IL36RN: variants seen among roughly 807,000 people sequenced by gnomAD.
IL36RN encodes interleukin-36 receptor antagonist protein.
In IL36RN, 11 loss-of-function variants were observed where a neutral mutation model predicts 13.0. The ratio of observed to expected loss-of-function variants is 0.85; its 90% CI spans 0.53 to 1.40. The LOEUF is 1.40. Among genes scored for constraint, IL36RN ranks in the 40% most tolerant of loss-of-function variants. IL36RN has a pLI of 0.00. For missense variants in IL36RN, 195 were observed against 195.3 expected, an observed-to-expected ratio of 1.00 and a Z score of 0.01; for synonymous variants, 94 against 84.1, an observed-to-expected ratio of 1.12 and a Z score of -0.64.
rs1189969507 is a variant in IL36RN at position 113,062,949 on chromosome 2, G to A, written c.*272G>A. On this transcript the variant is annotated 3_prime_UTR_variant, in exon 5 of 5. Transcript: ENST00000393200. ...CTGGGAATAACATGAAAAGATTTCT[G>A]TGGAGGTGGGGTGGGGGAGTGGTGG... 2 of 479,548 alleles carry A rather than the reference G, an allele frequency of 4.2e-6. No homozygotes were observed. The highest frequency in any genetic ancestry group is 2.0e-5 in the African/African-American group (1 of 50,810). 29.7% of individuals were successfully genotyped at this position (479,548 alleles called of 1,614,324 possible).
In IL36RN at chr2:113,059,433, C is replaced by G. The variant is rs1184839873; in HGVS notation, c.-6C>G. On this transcript the variant is annotated 5_prime_UTR_variant, in exon 2 of 5. Coordinates refer to ENST00000393200, the MANE Select transcript of IL36RN (RefSeq NM_012275.3). ...ATAGGGGAGTCTACACCCTGTGGAGCTCAAGATGGTCCTGAGTGGGGCGCT... is the reference window on the plus strand; with the variant it reads ...ATAGGGGAGTCTACACCCTGTGGAGGTCAAGATGGTCCTGAGTGGGGCGCT... 1 of 1,613,862 alleles carries G rather than the reference C, an allele frequency of 6.2e-7. No homozygotes were observed. Among genetic ancestry groups the G allele is most frequent in the Admixed American group, 1.7e-5 (1 of 60,006 alleles).
At position 113,060,954 on chromosome 2, in the gene IL36RN, G is replaced by T; in HGVS notation, c.115+17G>T. On this transcript the variant is annotated intron_variant, in intron 3 of 4. Transcript: ENST00000393200. Reference sequence around the variant, plus strand: ...TCATTAAAGGTTGGTGATGAAACATGACCCACTTTCCTTGGTCTCTATACA... The same window carrying T: ...TCATTAAAGGTTGGTGATGAAACATTACCCACTTTCCTTGGTCTCTATACA... 1 of 1,592,218 alleles carries T rather than the reference G, an allele frequency of 6.3e-7. No homozygotes were observed. Among genetic ancestry groups the T allele is most frequent in the South Asian group, 1.1e-5 (1 of 90,612 alleles).
intron 2 of IL36RN, among the ~76,000 whole-genome samples, chr2:113,060,256 G>A (rs1331461678): frequency 2.0e-5 from 3 of 152,040 alleles, no homozygotes; most frequent in Non-Finnish European, 4.4e-5. Flanking sequence ...CCCACTTTAG[G>A]ATACATCTTC....
Position 113,063,893 on chromosome 2 carries a change from G to C in IL36RN, c.*1216G>C, listed in dbSNP as rs1685693583. On this transcript the variant is annotated 3_prime_UTR_variant, in exon 5 of 5. Transcript: ENST00000393200. ...CAGTCTCTAAGAAGGCTGCTGTACT[G>C]GTTGAATTGTGTCCCCCTCAAATTC... 1 of 152,212 alleles carries C rather than the reference G, an allele frequency of 6.6e-6. No homozygotes were observed. The highest frequency in any genetic ancestry group is 1.5e-5 in the Non-Finnish European group (1 of 68,044). The allele number at this position is 152,212 out of a possible 1,614,324, so 9.4% of individuals were successfully genotyped here.
In IL36RN at chr2:113,063,475, T is replaced by C. The variant is rs1685686144; in HGVS notation, c.*798T>C. 6.6e-6 allele frequency: 1 copy of C among 152,246 alleles called. No homozygotes were observed. The highest frequency in any genetic ancestry group is 1.5e-5 in the Non-Finnish European group (1 of 68,052). 9.4% of individuals were successfully genotyped at this position (152,246 alleles called of 1,614,324 possible). ...TAGAAAAAAGTCTGGAAGAGTTTAC[T>C]TCAATTGTAGCAATGTCAGGGTGGT... On this transcript the variant is annotated 3_prime_UTR_variant, in exon 5 of 5. Transcript: ENST00000393200.
intron 2 of IL36RN, among the ~76,000 whole-genome samples, chr2:113,059,781 C>G (rs1275696343): frequency 6.6e-6 from 1 of 152,186 alleles, no homozygotes; most frequent in African/African-American, 2.4e-5. Flanking sequence ...GCCATTGTCC[C>G]CCATCACAGT....
intron 2 of IL36RN, 100 bp downstream of exon 2, chr2:113,059,567 C>A: frequency 7.3e-7 from 1 of 1,360,974 alleles, no homozygotes; most frequent in Non-Finnish European, 1.0e-6. Flanking sequence ...AAGGGAGGGG[C>A]TGCCATTGCA....
intron 2 of IL36RN, 62 bp downstream of exon 2, chr2:113,059,529 C>A: frequency 6.3e-7 from 1 of 1,580,054 alleles, no homozygotes; most frequent in Non-Finnish European, 8.7e-7. Context: ...TGGATAGACC[C>A]GTTGTCCAGC....
rs1573388252 is a variant in IL36RN, at chr2:113,063,152, A to C, written c.*475A>C. ...GATCTATGGCCCTTGGCCCAGCCCC[A>C]CCTCCTTCCCTTTAATCCTGCCACT... On this transcript the variant is annotated 3_prime_UTR_variant, in exon 5 of 5. Transcript: ENST00000393200. 8.5e-6 allele frequency: 2 copies of C among 235,048 alleles called. No homozygotes were observed. Among genetic ancestry groups the C allele is most frequent in the South Asian group, 6.2e-5 (1 of 16,118 alleles). The allele number at this position is 235,048 out of a possible 1,614,324, so 14.6% of individuals were successfully genotyped here. A position where few individuals can be genotyped will look rare whatever the true frequency, so the allele number is the denominator to read the frequency against.
At position 113,061,251 on chromosome 2, in the gene IL36RN, G is replaced by A. The variant is rs549463855; in HGVS notation, c.115+314G>A. ...TCCCTGGGAGCCAGTAAGTACCAAGGAGAGAACTAACGTAGATTCTCTATA... is the reference window on the plus strand; with the variant it reads ...TCCCTGGGAGCCAGTAAGTACCAAGAAGAGAACTAACGTAGATTCTCTATA... On this transcript the variant is annotated intron_variant, in intron 3 of 4. Coordinates refer to ENST00000393200, the MANE Select transcript of IL36RN (RefSeq NM_012275.3). 1.3e-4 allele frequency among the ~76,000 whole-genome samples: 20 copies of A among 152,328 alleles called. No homozygotes were observed. The South Asian group carries it at 3.7e-3, about 28-fold the overall frequency.
chr2:113,062,333 T>C, intron 4 of IL36RN, 82 bp downstream of exon 4: 3 of 1,608,818 alleles, frequency 1.9e-6, no homozygotes, highest in Non-Finnish European at 2.6e-6. Flanking sequence ...GCCCTGGTGC[T>C]GTGGGACACC....
chr2:113,060,547 TG>T (rs1685620104), intron 2 of IL36RN, among the ~76,000 whole-genome samples: 2 of 152,164 alleles, frequency 1.3e-5, no homozygotes, highest in Admixed American at 1.3e-4. Context: ...GAGGCAGAGA[TG>T]GGGCAAGAAC....
chr2:113,060,986 G>T, intron 3 of IL36RN, 49 bp downstream of exon 3: 1 of 1,410,260 alleles, frequency 7.1e-7, no homozygotes, highest in South Asian at 1.2e-5. Flanking sequence ...TACACTCTCA[G>T]GGGAGGGGGC....
Position 113,062,468 on chromosome 2 carries a change from G to A in IL36RN, c.259G>A (p.Glu87Lys). ...TLTLEPVNIMELYLGAKESKS... is the reference protein window; with the variant it reads ...TLTLEPVNIMKLYLGAKESKS... ...CTGCCGGCAGCCAGTGAACATCATG[G>A]AGCTCTATCTTGGTGCCAAGGAATC... The change falls in exon 5 of 5, where the codon GAG becomes AAG. Residue 87 changes from glutamate to lysine, a missense_variant. Transcript: ENST00000393200. The A allele has an allele frequency of 1.9e-6, 3 of 1,614,080 alleles. No homozygotes were observed. Among genetic ancestry groups the A allele is most frequent in the Non-Finnish European group, 2.5e-6 (3 of 1,180,020 alleles).
At chr2:113,059,790 G>A (rs910111805) in intron 2 of IL36RN, among the ~76,000 whole-genome samples, 1 of 152,196 alleles carries the variant, frequency 6.6e-6, no homozygotes, top group Non-Finnish European at 1.5e-5. Context: ...CCCCATCACA[G>A]TGAATGGATG....
Position 113,062,820 on chromosome 2 carries a change from G to A in IL36RN, c.*143G>A. On this transcript the variant is annotated 3_prime_UTR_variant, in exon 5 of 5. Coordinates refer to ENST00000393200, the MANE Select transcript of IL36RN (RefSeq NM_012275.3). ...GGGCACCTGACCACTTTGTCTTCTG[G>A]TTCCCAGTTTGGATAAATTCTGAGA... The A allele has an allele frequency of 2.6e-6, 2 of 757,936 alleles. No homozygotes were observed. Among genetic ancestry groups the A allele is most frequent in the Non-Finnish European group, 4.5e-6 (2 of 442,356 alleles). 47.0% of individuals were successfully genotyped at this position (757,936 alleles called of 1,614,324 possible). A position where few individuals can be genotyped will look rare whatever the true frequency, so the allele number is the denominator to read the frequency against.
chr2:113,062,186 G>A lies in IL36RN; in HGVS notation c.178G>A (p.Gly60Ser). The A allele has an allele frequency of 5.6e-6, 9 of 1,614,074 alleles. No individual in the cohort carries two copies. Among genetic ancestry groups the A allele is most frequent in the Non-Finnish European group, 7.6e-6 (9 of 1,179,942 alleles). Residue 60 changes from glycine (G) to serine (S), a missense_variant, in exon 4 of 5, where the codon GGT (glycine) becomes AGT (serine). Gly to Ser is a moderately conservative substitution (Grantham distance 56). Coordinates refer to ENST00000393200, the MANE Select transcript of IL36RN (RefSeq NM_012275.3). The stretch of plus-strand genomic sequence containing the variant: ...TGCCAGCCTGTCCCCCGTCATCCTG[G>A]GTGTCCAGGGTGGAAGCCAGTGCCT... ...LDASLSPVIL[G>S]VQGGSQCLSC...
intron 3 of IL36RN, among the ~76,000 whole-genome samples, chr2:113,061,769 A>G (rs914665875): frequency 6.6e-5 from 10 of 152,182 alleles, no homozygotes; most frequent in African/African-American, 4.8e-5. Context: ...CACAGGGTGT[A>G]GAAAGTTGTC....
In IL36RN at chr2:113,062,957, G is replaced by T; in HGVS notation, c.*280G>T. ...AACATGAAAAGATTTCTGTGGAGGT[G>T]GGGTGGGGGAGTGGTGGGAATCATT... On this transcript the variant is annotated 3_prime_UTR_variant, in exon 5 of 5. Transcript: ENST00000393200. 1 of 447,526 alleles carries T rather than the reference G, an allele frequency of 2.2e-6. No individual in the cohort carries two copies. 27.7% of individuals were successfully genotyped at this position (447,526 alleles called of 1,614,324 possible). A position where few individuals can be genotyped will look rare whatever the true frequency, so the allele number is the denominator to read the frequency against.
Sources: allele counts gnomAD v4.1 joint callset (sites outside exome capture counted in the v4.1 genomes callset), GRCh38; gene constraint gnomAD v4.1.1; transcripts MANE v1.5; gene names NCBI Gene and HGNC (gene_info 2026-07-23, HGNC 2026-07-21).